FRMPD4: variants seen among roughly 807,000 people sequenced by gnomAD.
FRMPD4 encodes FERM and PDZ domain-containing protein 4.
Under a neutral mutation model 94.1 loss-of-function variants are expected in FRMPD4, and 22 were observed. The observed-to-expected ratio is 0.23, with a 90% confidence interval of 0.17 to 0.33. The LOEUF is 0.33. Ranked by LOEUF, FRMPD4 falls within the 10% of genes least tolerant of loss-of-function variation. The pLI is 1.00. For synonymous variants in FRMPD4, 631 were observed against 548.6 expected (o/e 1.15, Z -2.10); for missense variants, 1,111 against 1,339.9 (o/e 0.83, Z 2.67).
At chrX:11,856,999 A>C (rs1159736066) in intron 1 of FRMPD4, among the ~76,000 whole-genome samples, 1 of 111,878 alleles carries the variant, frequency 8.9e-6, no homozygotes, top group African/African-American at 3.2e-5. Flanking sequence ...ACAGCTAACT[A>C]GTGAGGTGAA....
At chrX:12,706,952 G>A in intron 12 of FRMPD4, 37 bp downstream of exon 12, 3 of 647,887 alleles carry the variant, frequency 4.6e-6, no homozygotes, top group East Asian at 3.7e-5. Context: ...GCTTTCTCTT[G>A]GAAGCCACAG....
At chrX:12,167,537 T>A (rs2056142055) in intron 1 of FRMPD4, among the ~76,000 whole-genome samples, 1 of 111,786 alleles carries the variant, frequency 8.9e-6, no homozygotes, top group Admixed American at 9.5e-5. Context: ...GAATATCAAG[T>A]GGTAGCCACT....
At chrX:12,237,872 C>A (rs1057139112) in intron 1 of FRMPD4, among the ~76,000 whole-genome samples, 1 of 112,302 alleles carries the variant, frequency 8.9e-6, no homozygotes, top group Non-Finnish European at 1.9e-5. Context: ...AGAAGCGAAG[C>A]AACAATGTGT....
intron 3 of FRMPD4, among the ~76,000 whole-genome samples, chrX:12,131,012 G>A (rs1026693356): frequency 1.8e-5 from 2 of 111,841 alleles, no homozygotes; most frequent in African/African-American, 3.3e-5. Context: ...CCTCCTCCCC[G>A]TGCCTCTCCA....
rs147471080 is a variant in FRMPD4 at position 12,021,006 on chromosome X, T to A, written c.95+142988T>A. ...TACAGAGGTCTGTCCTAGTGAGCTG[T>A]GCTATTCAAGAATCCTGTGATCTCA... On this transcript the variant is annotated intron_variant, in intron 3 of 18. Coordinates refer to the FRMPD4 transcript ENST00000640291. Among the ~76,000 whole-genome samples, 638 of 112,130 alleles carry A rather than the reference T, an allele frequency of 5.7e-3. 3 individuals carry two copies. The highest frequency in any genetic ancestry group is 9.8e-3 in the Non-Finnish European group (519 of 53,197).
At chrX:12,441,460 T>A (rs1323492773) in intron 1 of FRMPD4, among the ~76,000 whole-genome samples, 1 of 111,123 alleles carries the variant, frequency 9.0e-6, no homozygotes, top group Non-Finnish European at 1.9e-5. Context: ...CCCCCTTCTC[T>A]CTCCTTCAAA....
chrX:12,416,486 T>C (rs747532751), intron 1 of FRMPD4, among the ~76,000 whole-genome samples: 2 of 112,494 alleles, frequency 1.8e-5, no homozygotes, highest in South Asian at 7.3e-4. Flanking sequence ...CACAGTTCTA[T>C]TACTCTCTAA....
At chrX:11,891,778 G>A (rs1479560345) in intron 3 of FRMPD4, among the ~76,000 whole-genome samples, 1 of 112,039 alleles carries the variant, frequency 8.9e-6, no homozygotes, top group Non-Finnish European at 1.9e-5. Context: ...CTTGTAAAGT[G>A]ATTACATAGT....
At chrX:12,483,967 C>T (rs1357751740) in intron 1 of FRMPD4, among the ~76,000 whole-genome samples, 1 of 111,052 alleles carries the variant, frequency 9.0e-6, no homozygotes, top group African/African-American at 3.3e-5. Context: ...ACTAGTAGGA[C>T]GTGTACGGGC....
chrX:12,313,184 A>G (rs1165922050), intron 1 of FRMPD4, among the ~76,000 whole-genome samples: 1 of 112,583 alleles, frequency 8.9e-6, no homozygotes, highest in African/African-American at 3.2e-5. Context: ...ACTTGAGAAG[A>G]TGAAGACTGC....
chrX:12,716,877 C>T lies in FRMPD4; in HGVS notation c.2418C>T (p.Ala806=), dbSNP rs1427558447. ...DDFLLRSLNM[A]IAAPPPGFRD... ...TCCTGTTGCGTTCCTTGAACATGGC[C>T]ATTGCCGCACCCCCACCTGGCTTTA... The change falls in exon 15 of 17, where the codon GCC becomes GCT. Residue 806 remains alanine (A), a synonymous_variant. Transcript: ENST00000675598. The T allele has an allele frequency of 2.5e-6, 3 of 1,211,139 alleles. No homozygotes were observed. Among genetic ancestry groups the T allele is most frequent in the African/African-American group, 3.5e-5 (2 of 57,772 alleles).
chrX:12,002,776 G>A (rs1174828682), intron 3 of FRMPD4, among the ~76,000 whole-genome samples: 1 of 111,817 alleles, frequency 8.9e-6, no homozygotes, highest in Non-Finnish European at 1.9e-5. Flanking sequence ...GTATCTCATA[G>A]TATTGAGCGT....
intron 1 of FRMPD4, among the ~76,000 whole-genome samples, chrX:12,199,280 T>C (rs1297058861): frequency 9.1e-6 from 1 of 109,987 alleles, no homozygotes; most frequent in Non-Finnish European, 1.9e-5. Context: ...TATGTGTGTG[T>C]GTGTGTGTTT....
At chrX:12,584,205 C>G (rs1425117957) in intron 2 of FRMPD4, among the ~76,000 whole-genome samples, 1 of 112,464 alleles carries the variant, frequency 8.9e-6, no homozygotes, top group Non-Finnish European at 1.9e-5. Flanking sequence ...CCTTCTGGCT[C>G]GTCTCTAAAT....
chrX:12,489,126 GCCT>G (rs2057767702), intron 1 of FRMPD4, among the ~76,000 whole-genome samples: 1 of 111,618 alleles, frequency 9.0e-6, no homozygotes, highest in Non-Finnish European at 1.9e-5. Flanking sequence ...TTAGAACTTA[GCCT>G]CCTCAGAATA....
At chrX:12,116,841 T>C (rs2074103475) in intron 3 of FRMPD4, among the ~76,000 whole-genome samples, 1 of 112,246 alleles carries the variant, frequency 8.9e-6, no homozygotes, top group South Asian at 3.7e-4. Context: ...TGTTAAATAA[T>C]TAATGGGATG....
chrX:12,270,639 C>T (rs1479162907), intron 1 of FRMPD4, among the ~76,000 whole-genome samples: 2 of 111,134 alleles, frequency 1.8e-5, no homozygotes, highest in Non-Finnish European at 3.8e-5. Context: ...GTGTATATAT[C>T]CACATATATA....
intron 1 of FRMPD4, among the ~76,000 whole-genome samples, chrX:12,460,813 T>C (rs994941969): frequency 2.7e-4 from 30 of 112,292 alleles, no homozygotes; most frequent in African/African-American, 9.7e-4. Flanking sequence ...AAATAATTTG[T>C]GTTTAGAAAA....
intron 2 of FRMPD4, among the ~76,000 whole-genome samples, chrX:12,542,186 G>A (rs1175114030): frequency 8.9e-6 from 1 of 112,238 alleles, no homozygotes; most frequent in African/African-American, 3.2e-5. Context: ...CACAAGACAA[G>A]GATGCCCTCT....
Sources: allele counts gnomAD v4.1 joint callset (sites outside exome capture counted in the v4.1 genomes callset), GRCh38; gene constraint gnomAD v4.1.1; transcripts MANE v1.5; gene names NCBI Gene and HGNC (gene_info 2026-07-23, HGNC 2026-07-21).